The following TARBP1 variants were observed in gnomAD, a reference collection of about 807,000 sequenced individuals.
TARBP1 encodes tRNA (guanosine(18)-2'-O)-methyltransferase TARBP1.
TARBP1 carries 144 observed loss-of-function variants against 178.6 expected under a neutral mutation model. The ratio of observed to expected loss-of-function variants is 0.81; its 90% CI spans 0.70 to 0.93. The LOEUF (loss-of-function observed/expected upper bound fraction) is 0.93, where lower values mean the gene tolerates loss of function less well. Among genes scored for constraint, TARBP1 ranks in the 40% least tolerant of loss-of-function variants. The probability of loss-of-function intolerance (pLI) is 0.00; values close to 1 mark genes in which losing one functional copy is unlikely to be tolerated. For missense variants in TARBP1, 2,067 were observed against 2,011.7 expected (o/e 1.03, Z -0.53); for synonymous variants, 787 against 781.0 (o/e 1.01, Z -0.13).
rs1666245260 is a variant in TARBP1 at position 234,446,962 on chromosome 1, TTC to T, written c.1973_1974del (p.Arg658AsnfsTer20). The T allele has an allele frequency of 6.2e-7, 1 of 1,613,072 alleles. No individual in the cohort carries two copies. The highest frequency in any genetic ancestry group is 8.5e-7 in the Non-Finnish European group (1 of 1,179,530). On this transcript the variant is annotated frameshift_variant, in exon 12 of 30. Coordinates refer to ENST00000040877, the MANE Select transcript of TARBP1 (RefSeq NM_005646.4). LOFTEE classifies it high-confidence loss of function. ...AAGAATATCCGCAATACATTCTCTG[TTC>T]TCTGCTTTCCGCTAGACATTAAAAG... The part of the protein sequence containing the change: ...GMKTQYSGKQ[R>X]TENVLRIFLD...
chr1:234,438,262 T>C (rs1665237265), intron 12 of TARBP1, among the ~76,000 whole-genome samples: 2 of 151,470 alleles, frequency 1.3e-5, no homozygotes, highest in Admixed American at 6.6e-5. Flanking sequence ...ACTAAACATA[T>C]GAAGAACCAG....
intron 5 of TARBP1, among the ~76,000 whole-genome samples, chr1:234,464,863 A>AT (rs1238769108): frequency 6.6e-6 from 1 of 152,210 alleles, no homozygotes; most frequent in African/African-American, 2.4e-5. Context: ...TGCTCAAAAA[A>AT]ATGAGGCTAA....
intron 4 of TARBP1, among the ~76,000 whole-genome samples, chr1:234,466,784 A>G (rs1207126874): frequency 1.3e-5 from 2 of 151,758 alleles, no homozygotes; most frequent in African/African-American, 2.4e-5. Flanking sequence ...GATCACTTGA[A>G]CCTGGGAAGC....
intron 24 of TARBP1, among the ~76,000 whole-genome samples, chr1:234,402,750 T>A (rs759231968): frequency 1.3e-5 from 2 of 152,034 alleles, no homozygotes; most frequent in Non-Finnish European, 2.9e-5. Context: ...AACTTTTTTT[T>A]ATTATTATTA....
intron 23 of TARBP1, among the ~76,000 whole-genome samples, chr1:234,408,689 A>G (rs1489403112): frequency 6.6e-6 from 1 of 152,020 alleles, no homozygotes; most frequent in Non-Finnish European, 1.5e-5. Context: ...GGACACCTCA[A>G]TTCCTTATGA....
chr1:234,450,797 GAT>G (rs747150168), intron 9 of TARBP1, among the ~76,000 whole-genome samples: 27 of 150,122 alleles, frequency 1.8e-4, no homozygotes, highest in East Asian at 7.8e-4. Context: ...ATATATGTGA[GAT>G]ATATATATAT....
chr1:234,414,835 T>A (rs1662235571), intron 22 of TARBP1, among the ~76,000 whole-genome samples: 1 of 151,938 alleles, frequency 6.6e-6, no homozygotes, highest in Admixed American at 6.6e-5. Context: ...AATACAAAAA[T>A]TAGCCGGGCA....
intron 3 of TARBP1, among the ~76,000 whole-genome samples, chr1:234,470,748 T>C (rs1329807186): frequency 6.6e-6 from 1 of 152,070 alleles, no homozygotes; most frequent in African/African-American, 2.4e-5. Flanking sequence ...CTCGAGTAGC[T>C]GGGACTACAG....
chr1:234,437,506 T>G, intron 12 of TARBP1, 134 bp from the exon 13 acceptor site: 2 of 498,978 alleles, frequency 4.0e-6, no homozygotes, highest in Non-Finnish European at 7.3e-6. Context: ...AATAATATAA[T>G]AATCATTCAC....
intron 22 of TARBP1, among the ~76,000 whole-genome samples, chr1:234,411,159 T>TA (rs1177396608): frequency 6.7e-6 from 1 of 149,142 alleles, no homozygotes; most frequent in Admixed American, 6.7e-5. Flanking sequence ...GAAAAATATT[T>TA]AACAAAAAAT....
intron 2 of TARBP1, among the ~76,000 whole-genome samples, chr1:234,471,730 G>A (rs1192919986): frequency 6.6e-6 from 1 of 152,134 alleles, no homozygotes; most frequent in African/African-American, 2.4e-5. Flanking sequence ...TCAAAATATG[G>A]ATAAATTTGG....
At position 234,472,635 on chromosome 1, in the gene TARBP1, G is replaced by C. The variant is rs79994063; in HGVS notation, c.1029+79C>G. ...CAGCTATATCTGAGTTAGTCTCTTTGTATCGCTTTTAATGAATGTTTTTAA... is the reference window on the plus strand; with the variant it reads ...CAGCTATATCTGAGTTAGTCTCTTTCTATCGCTTTTAATGAATGTTTTTAA... On this transcript the variant is annotated intron_variant, in intron 2 of 29. Coordinates refer to ENST00000040877, the MANE Select transcript of TARBP1 (RefSeq NM_005646.4). The C allele has an allele frequency of 3.6e-4, 335 of 922,828 alleles. 3 individuals carry two copies. The East Asian group carries it at 6.4e-3, about 18-fold the overall frequency. The allele number at this position is 922,828 out of a possible 1,614,324, so 57.2% of individuals were successfully genotyped here. A position where few individuals can be genotyped will look rare whatever the true frequency, so the allele number is the denominator to read the frequency against.
intron 22 of TARBP1, among the ~76,000 whole-genome samples, chr1:234,410,993 A>C (rs931476392): frequency 6.6e-6 from 1 of 152,136 alleles, no homozygotes; most frequent in East Asian, 1.9e-4. Flanking sequence ...AATTGCCTGA[A>C]CCCAGGGCAG....
At chr1:234,425,845 T>C (rs1663688238) in intron 19 of TARBP1, 52 bp from the exon 20 acceptor site, 14 of 1,342,850 alleles carry the variant, frequency 1.0e-5, no homozygotes, top group African/African-American at 1.5e-5. Context: ...AACAGAAAAT[T>C]AACATCAAAT....
In TARBP1 at chr1:234,478,760, T is replaced by G. The variant is rs1669837598; in HGVS notation, c.344A>C (p.Gln115Pro). The G allele has an allele frequency of 6.4e-6, 7 of 1,087,634 alleles. No homozygotes were observed. The highest frequency in any genetic ancestry group is 7.8e-6 in the Non-Finnish European group (7 of 900,470). 67.4% of individuals were successfully genotyped at this position (1,087,634 alleles called of 1,614,324 possible). Reference sequence around the variant, plus strand: ...CTCCTCAGCCAGCGCGGCCGCCAGCTGCGGACGCCCGGCCAGGCGGACGCA... The same window carrying G: ...CTCCTCAGCCAGCGCGGCCGCCAGCGGCGGACGCCCGGCCAGGCGGACGCA... Reference protein sequence around the residue: ...RSCVRLAGRPQLAAALAEEAL... With the variant: ...RSCVRLAGRPPLAAALAEEAL... The change falls in exon 1 of 30, where the codon CAG becomes CCG. Residue 115 changes from glutamine to proline, a missense_variant. Coordinates refer to ENST00000040877, the MANE Select transcript of TARBP1 (RefSeq NM_005646.4).
intron 23 of TARBP1, 173 bp from the exon 24 acceptor site, chr1:234,406,272 G>A: frequency 1.7e-6 from 1 of 601,492 alleles, no homozygotes. Flanking sequence ...CGGTGCACAG[G>A]CATTTGCAAT....
intron 20 of TARBP1, among the ~76,000 whole-genome samples, chr1:234,424,833 G>T (rs1196930018): frequency 6.6e-6 from 1 of 152,066 alleles, no homozygotes; most frequent in Admixed American, 6.5e-5. Context: ...AGGCCAAGGA[G>T]GGTGGATTAC....
At chr1:234,424,688 G>A (rs530575516) in intron 20 of TARBP1, among the ~76,000 whole-genome samples, 4 of 152,166 alleles carry the variant, frequency 2.6e-5, no homozygotes, top group African/African-American at 7.2e-5. Flanking sequence ...CACTTTGGGA[G>A]GCCAAGGCAA....
chr1:234,478,264 C>A lies in TARBP1; in HGVS notation c.840G>T (p.Thr280=), dbSNP rs1398086074. ...QAGLGQADAL[T]RKRARYLLQR... is the part of the protein sequence containing the mutation. ...GCAGCAGGTAGCGCGCTCGCTTGCGCGTCAGGGCGTCCGCCTGGCCCAGCC... is the reference window on the plus strand; with the variant it reads ...GCAGCAGGTAGCGCGCTCGCTTGCGAGTCAGGGCGTCCGCCTGGCCCAGCC... Residue 280 remains threonine (T), a synonymous_variant, in exon 1 of 30, where the codon ACG becomes ACT. Coordinates refer to ENST00000040877, the MANE Select transcript of TARBP1 (RefSeq NM_005646.4). 3 of 1,600,560 alleles carry A rather than the reference C, an allele frequency of 1.9e-6. No individual in the cohort carries two copies. Among genetic ancestry groups the A allele is most frequent in the Middle Eastern group, 1.9e-4 (1 of 5,328 alleles).
Sources: allele counts gnomAD v4.1 joint callset (sites outside exome capture counted in the v4.1 genomes callset), GRCh38; gene constraint gnomAD v4.1.1; transcripts MANE v1.5; gene names NCBI Gene and HGNC (gene_info 2026-07-23, HGNC 2026-07-21).